MYO9A: variants seen among roughly 807,000 people sequenced by gnomAD.
The protein encoded by MYO9A is myosin IXA.
In MYO9A, 103 loss-of-function variants were observed where a neutral mutation model predicts 293.3. That is an observed-to-expected ratio of 0.35 (90% CI 0.30 to 0.41). The LOEUF (loss-of-function observed/expected upper bound fraction) is 0.41. Ranked by LOEUF, MYO9A falls within the 10% of genes least tolerant of loss-of-function variation. The pLI is 1.00. For missense variants in MYO9A, 2,685 were observed against 3,033.0 expected, an observed-to-expected ratio of 0.89 and a Z score of 2.69; for synonymous variants, 1,001 against 1,035.7, an observed-to-expected ratio of 0.97 and a Z score of 0.64.
chr15:72,111,363 C>T (rs911504883), intron 1 of MYO9A, among the ~76,000 whole-genome samples: 3 of 149,850 alleles, frequency 2.0e-5, no homozygotes, highest in African/African-American at 7.4e-5. Context: ...GTGGCGTGCA[C>T]CTGTAGTCCC....
chr15:71,886,165 G>C (rs1326774712), intron 27 of MYO9A, among the ~76,000 whole-genome samples: 1 of 145,300 alleles, frequency 6.9e-6, no homozygotes, highest in Non-Finnish European at 1.5e-5. Context: ...ACGGTGATCA[G>C]TGGTATGTGA....
At chr15:72,099,586 C>T (rs1457478720) in intron 1 of MYO9A, among the ~76,000 whole-genome samples, 2 of 151,060 alleles carry the variant, frequency 1.3e-5, no homozygotes, top group Non-Finnish European at 2.9e-5. Context: ...TAGGCAACAG[C>T]GAGACCTTGT....
intron 11 of MYO9A, among the ~76,000 whole-genome samples, chr15:71,980,178 T>C (rs1467144428): frequency 1.3e-5 from 2 of 152,184 alleles, no homozygotes; most frequent in Admixed American, 1.3e-4. Flanking sequence ...ATTCTAATAT[T>C]TGGTCATTAA....
intron 9 of MYO9A, among the ~76,000 whole-genome samples, chr15:71,999,453 A>C (rs1445455336): frequency 6.6e-6 from 1 of 152,082 alleles, no homozygotes; most frequent in Non-Finnish European, 1.5e-5. Flanking sequence ...ACAAGCAGAA[A>C]GAACTGCAAA....
At chr15:72,022,153 G>A (rs2077519655) in intron 4 of MYO9A, among the ~76,000 whole-genome samples, 1 of 152,160 alleles carries the variant, frequency 6.6e-6, no homozygotes, top group African/African-American at 2.4e-5. Flanking sequence ...TCAGACAGTA[G>A]GAATAAAAGC....
chr15:71,826,226 G>T lies in MYO9A; in HGVS notation c.*354C>A. Reference sequence around the variant, plus strand: ...TTTCTTCAAATGTCAGAAATGAGAGGGTCCCTCAGGACAGCAATATCCCCC... The same window carrying T: ...TTTCTTCAAATGTCAGAAATGAGAGTGTCCCTCAGGACAGCAATATCCCCC... On this transcript the variant is annotated 3_prime_UTR_variant, in exon 42 of 42. Coordinates refer to ENST00000356056, the MANE Select transcript of MYO9A (RefSeq NM_006901.4). 1 of 198,612 alleles carries T rather than the reference G, an allele frequency of 5.0e-6. No individual in the cohort carries two copies. The highest frequency in any genetic ancestry group is 1.0e-5 in the Non-Finnish European group (1 of 98,932). 12.3% of individuals were successfully genotyped at this position (198,612 alleles called of 1,614,324 possible).
At position 71,888,103 on chromosome 15, in the gene MYO9A, A is replaced by C; in HGVS notation, c.5156T>G (p.Phe1719Cys). ...GPGQRETSQR[F>C]SSVDEQAKLH... ...TTTTGCTTGTTCATCAACTGACGAA[A>C]ATCGCTGTGATGTCTGTAATAATTA... Residue 1719 changes from phenylalanine to cysteine, a missense_variant, in exon 27 of 42, where the codon TTT becomes TGT. This residue lies in a region of MYO9A where 1,434 missense variants were observed against 1,497.7 expected (regional missense o/e 0.96). Transcript: ENST00000356056. 6.3e-7 allele frequency: 1 copy of C among 1,595,924 alleles called. No individual in the cohort carries two copies. The highest frequency in any genetic ancestry group is 8.6e-7 in the Non-Finnish European group (1 of 1,166,144).
At chr15:72,029,199 C>T (rs1462188036) in intron 3 of MYO9A, among the ~76,000 whole-genome samples, 1 of 152,134 alleles carries the variant, frequency 6.6e-6, no homozygotes, top group African/African-American at 2.4e-5. Context: ...AGGAGAACTG[C>T]CTTTATGTAA....
At chr15:71,833,290 G>GA (rs1031437492) in intron 39 of MYO9A, among the ~76,000 whole-genome samples, 4 of 150,760 alleles carry the variant, frequency 2.7e-5, no homozygotes, top group Non-Finnish European at 5.9e-5. Context: ...AAAGAAATGG[G>GA]AAAAAAAAGA....
Position 71,850,149 on chromosome 15 carries a change from G to C in MYO9A, c.6600C>G (p.Asp2200Glu). The C allele has an allele frequency of 6.2e-7, 1 of 1,614,068 alleles. No homozygotes were observed. Among genetic ancestry groups the C allele is most frequent in the Non-Finnish European group, 8.5e-7 (1 of 1,179,954 alleles). The change falls in exon 38 of 42, where the codon GAC becomes GAG. Residue 2200 changes from aspartate to glutamate, a missense_variant. Asp to Glu is a conservative substitution (Grantham distance 45, BLOSUM62 2). This residue lies in a region of MYO9A where 238 missense variants were observed against 269.1 expected (regional missense o/e 0.88). Coordinates refer to ENST00000356056, the MANE Select transcript of MYO9A (RefSeq NM_006901.4). ...FHLVRIALQE[D>E]TNRMSANALA... The stretch of plus-strand genomic sequence containing the variant: ...AAGCATTAGCAGACATTCGATTAGT[G>C]TCTTCCTGCAGAGCAATCCTAAGAA...
intron 24 of MYO9A, among the ~76,000 whole-genome samples, chr15:71,899,401 G>A (rs2057419920): frequency 6.6e-6 from 1 of 152,154 alleles, no homozygotes; most frequent in African/African-American, 2.4e-5. Flanking sequence ...AGTAACAACA[G>A]TTGAATATTG....
intron 15 of MYO9A, 116 bp downstream of exon 15, chr15:71,951,661 G>A (rs2059053791): frequency 2.6e-6 from 3 of 1,170,386 alleles, no homozygotes; most frequent in East Asian, 4.7e-5. Context: ...ACTGCTCAGA[G>A]GTTTATGGAG....
chr15:71,980,401 T>C (rs561727307), intron 11 of MYO9A, among the ~76,000 whole-genome samples: 1 of 152,350 alleles, frequency 6.6e-6, no homozygotes, highest in African/African-American at 2.4e-5. Context: ...TCTTTTTCAT[T>C]TTAGTCATTT....
At chr15:72,089,700 G>C (rs547015022) in intron 1 of MYO9A, among the ~76,000 whole-genome samples, 1 of 152,088 alleles carries the variant, frequency 6.6e-6, no homozygotes, top group Non-Finnish European at 1.5e-5. Flanking sequence ...AGGAAAGCTC[G>C]AGCCCCAAAA....
chr15:72,091,047 A>G (rs932567785), intron 1 of MYO9A, among the ~76,000 whole-genome samples: 2 of 151,544 alleles, frequency 1.3e-5, no homozygotes, highest in Non-Finnish European at 2.9e-5. Flanking sequence ...AAAATTTAAA[A>G]ATCTACCCAG....
Position 71,968,022 on chromosome 15 carries a change from T to C in MYO9A, c.1948A>G (p.Ile650Val). ...FPAVMEPAFIIKHYAGKVKYG... is the reference protein window; with the variant it reads ...FPAVMEPAFIVKHYAGKVKYG... Reference sequence around the variant, plus strand: ...TTTACTTTTCCAGCATAATGTTTTATAATGAAAGCAGGCTCCATCACGGCT... The same window carrying C: ...TTTACTTTTCCAGCATAATGTTTTACAATGAAAGCAGGCTCCATCACGGCT... The change falls in exon 13 of 42, where the codon ATA becomes GTA. Residue 650 changes from isoleucine (I) to valine (V), a missense_variant. Ile to Val is a conservative substitution (Grantham distance 29, BLOSUM62 3). Around this residue, in one of 10 missense-constraint regions of MYO9A, gnomAD observed 201 missense variants for 245.2 expected, o/e 0.82. Transcript: ENST00000356056. 6.2e-7 allele frequency: 1 copy of C among 1,611,836 alleles called. No homozygotes were observed. Among genetic ancestry groups the C allele is most frequent in the Non-Finnish European group, 8.5e-7 (1 of 1,179,164 alleles).
intron 1 of MYO9A, among the ~76,000 whole-genome samples, chr15:72,101,117 G>C (rs1258290381): frequency 1.4e-5 from 2 of 140,892 alleles, no homozygotes; most frequent in Non-Finnish European, 3.1e-5. Flanking sequence ...GAGGGAGGTC[G>C]GGGCATCAGC....
intron 19 of MYO9A, among the ~76,000 whole-genome samples, chr15:71,912,102 T>C (rs1393559413): frequency 1.3e-5 from 2 of 152,212 alleles, no homozygotes; most frequent in Non-Finnish European, 2.9e-5. Context: ...AATAATACTA[T>C]ACCATGTTCT....
At chr15:72,092,014 C>A (rs763689806) in intron 1 of MYO9A, among the ~76,000 whole-genome samples, 1 of 152,116 alleles carries the variant, frequency 6.6e-6, no homozygotes, top group South Asian at 2.1e-4. Flanking sequence ...TCGCGCCCGG[C>A]GAAAAATATA....
Sources: gnomAD v4.1 joint callset for allele counts (sites outside exome capture counted in the v4.1 genomes callset) on GRCh38, gnomAD v4.1.1 for gene constraint, gnomAD v4.1.1 regional missense constraint, MANE v1.5 for transcripts, NCBI Gene and HGNC (gene_info 2026-07-23, HGNC 2026-07-21) for gene names.